HLA-DRB5: variants seen among roughly 807,000 people sequenced by gnomAD.
The protein encoded by HLA-DRB5 is major histocompatibility complex, class II, DR beta 5.
HLA-DRB5 carries 11 observed loss-of-function variants against 22.4 expected under a neutral mutation model. The observed-to-expected ratio is 0.49, with a 90% CI of 0.31 to 0.81. The LOEUF is 0.81. Among genes scored for constraint, HLA-DRB5 ranks in the 40% least tolerant of loss-of-function variants. HLA-DRB5 has a pLI of 0.05. For synonymous variants in HLA-DRB5, 57 were observed against 106.0 expected, an observed-to-expected ratio of 0.54 and a Z score of 2.84; for missense variants, 106 against 274.4, an observed-to-expected ratio of 0.39 and a Z score of 4.34.
In HLA-DRB5 at chr6:32,521,895, C is replaced by A. The variant is rs115833135; in HGVS notation, c.370+10G>T. The A allele has an allele frequency of 0.15, 165,182 of 1,067,982 alleles. 34,225 individuals are homozygous for A. The highest frequency in any genetic ancestry group is 0.28 in the South Asian group (18,270 of 65,502). 66.2% of individuals were successfully genotyped at this position (1,067,982 alleles called of 1,614,324 possible). On this transcript the variant is annotated intron_variant, in intron 2 of 5. Coordinates refer to ENST00000374975, the MANE Select transcript of HLA-DRB5 (RefSeq NM_002125.4). ...ACAAGGACCCAGGCCCCGCCCCCCA[C>A]CATGCTCACCTCGCCGCTGCACTGT...
intron 1 of HLA-DRB5, among the ~76,000 whole-genome samples, chr6:32,528,481 G>A (rs148994246): frequency 0.058 from 1,612 of 27,952 alleles, 21 homozygotes; most frequent in Non-Finnish European, 0.066. Flanking sequence ...AAGGATCCTG[G>A]AAAGCAAGAA....
At chr6:32,522,744 T>C (rs1281716870) in intron 1 of HLA-DRB5, among the ~76,000 whole-genome samples, 2 of 60,168 alleles carry the variant, frequency 3.3e-5, no homozygotes, top group Non-Finnish European at 6.7e-5. Flanking sequence ...ATGAGAAATG[T>C]CTGAAGTGTG....
intron 3 of HLA-DRB5, among the ~76,000 whole-genome samples, 194 bp downstream of exon 3, chr6:32,519,176 A>C (rs150596400): frequency 0.51 from 36,772 of 71,542 alleles, 12,471 homozygotes; most frequent in Middle Eastern, 0.6. Context: ...TCCTGCCAGG[A>C]ATGACTGCTT....
At chr6:32,525,823 A>ATTCTCATGACCTAGACTAATAACTG (rs1769542613) in intron 1 of HLA-DRB5, among the ~76,000 whole-genome samples, 2 of 92,194 alleles carry the variant, frequency 2.2e-5, no homozygotes, top group Admixed American at 1.1e-4. Flanking sequence ...GATGGAGACC[A>ATTCTCATGACCTAGACTAATAACTG]GATTCATTTT....
At position 32,521,938 on chromosome 6, in the gene HLA-DRB5, C is replaced by G; in HGVS notation, c.337G>C (p.Gly113Arg). Residue 113 changes from glycine to arginine, a missense_variant, in exon 2 of 6, where the codon GGG (glycine) becomes CGG (arginine). Physicochemically the swap from Gly to Arg is moderately radical, Grantham distance 125. Coordinates refer to ENST00000374975, the MANE Select transcript of HLA-DRB5 (RefSeq NM_002125.4). Reference sequence around the variant, plus strand: ...TGCACTGTGAAGCTCTCACCAACCCCGTAGTTGTGTCTGCAGTAGGTGTCC... The same window carrying G: ...TGCACTGTGAAGCTCTCACCAACCCGGTAGTTGTGTCTGCAGTAGGTGTCC... Reference protein sequence around the residue: ...AVDTYCRHNYGVGESFTVQRR... With the variant: ...AVDTYCRHNYRVGESFTVQRR... 1 of 1,552,288 alleles carries G rather than the reference C, an allele frequency of 6.4e-7. No homozygotes were observed. Among genetic ancestry groups the G allele is most frequent in the Non-Finnish European group, 8.8e-7 (1 of 1,135,590 alleles).
At chr6:32,518,247 C>G (rs79246516) in intron 4 of HLA-DRB5, among the ~76,000 whole-genome samples, 170 bp from the exon 5 acceptor site, 5,629 of 47,720 alleles carry the variant, frequency 0.12, 3 homozygotes, top group Non-Finnish European at 0.14. Flanking sequence ...TGAAGCATGA[C>G]ATGTCTGTCA....
intron 1 of HLA-DRB5, among the ~76,000 whole-genome samples, chr6:32,525,508 C>T (rs1467814505): frequency 6.0e-5 from 7 of 117,032 alleles, no homozygotes; most frequent in African/African-American, 2.2e-4. Context: ...AAAGAATTGT[C>T]ATTCTGAAAA....
At chr6:32,522,644 C>A (rs80177780) in intron 1 of HLA-DRB5, among the ~76,000 whole-genome samples, 6,497 of 30,912 alleles carry the variant, frequency 0.21, 1,861 homozygotes, top group Middle Eastern at 0.45. Context: ...AATCCAAACA[C>A]GGGAAAACAG....
chr6:32,519,802 T>G, intron 2 of HLA-DRB5, 151 bp from the exon 3 acceptor site: 1 of 410,858 alleles, frequency 2.4e-6, no homozygotes, highest in Non-Finnish European at 4.2e-6. Flanking sequence ...GTCATCAGCC[T>G]GGAATTTAGT....
chr6:32,522,913 GAA>G (rs148656763), intron 1 of HLA-DRB5, among the ~76,000 whole-genome samples: 1,636 of 41,952 alleles, frequency 0.039, 123 homozygotes, highest in East Asian at 0.051. Context: ...CAAAACGGGG[GAA>G]GCACATTTCA....
chr6:32,530,065 TA>T, intron 1 of HLA-DRB5, 59 bp downstream of exon 1: 1 of 737,856 alleles, frequency 1.4e-6, no homozygotes, highest in Non-Finnish European at 1.9e-6. Context: ...GGCACAATGT[TA>T]ACAAAACTCC....
chr6:32,522,163 G>T lies in HLA-DRB5; in HGVS notation c.112C>A (p.Gln38Lys), dbSNP rs1071747. 0.045 allele frequency: 35,565 copies of T among 782,594 alleles called. 9,799 individuals carry two copies. The highest frequency in any genetic ancestry group is 0.24 in the East Asian group (7,310 of 30,218). The allele number at this position is 782,594 out of a possible 1,614,324, so 48.5% of individuals were successfully genotyped here. A position where few individuals can be genotyped will look rare whatever the true frequency, so the allele number is the denominator to read the frequency against. Residue 38 changes from glutamine (Q) to lysine (K), a missense_variant, in exon 2 of 6, where the codon CAG (glutamine) becomes AAG (lysine). By Grantham distance (53) the Gln-to-Lys change is moderately conservative. Coordinates refer to ENST00000374975, the MANE Select transcript of HLA-DRB5 (RefSeq NM_002125.4). The part of the protein sequence containing the change: ...LAGDTRPRFL[Q>K]QDKYECHFFN... ...AAATGACACTCATACTTATCCTGCT[G>T]CAAGAAACGTGCTGTGGGGACACGA...
At chr6:32,529,951 G>A (rs1236844262) in intron 1 of HLA-DRB5, among the ~76,000 whole-genome samples, 174 bp downstream of exon 1, 6,110 of 112,102 alleles carry the variant, frequency 0.055, no homozygotes, top group East Asian at 0.087. Context: ...CATGGAGAGG[G>A]CAAGTAGTCA....
At chr6:32,524,764 G>C (rs915218607) in intron 1 of HLA-DRB5, among the ~76,000 whole-genome samples, 1 of 80,310 alleles carries the variant, frequency 1.2e-5, no homozygotes. Context: ...GGCTTGCATG[G>C]CTAGCACTGT....
intron 1 of HLA-DRB5, among the ~76,000 whole-genome samples, chr6:32,529,362 A>G (rs796426179): frequency 0.051 from 1,287 of 25,430 alleles, 39 homozygotes; most frequent in Middle Eastern, 0.14. Flanking sequence ...TGTAGGAGAT[A>G]TAGGAGCAAA....
At chr6:32,519,101 T>A (rs201843924) in intron 3 of HLA-DRB5, among the ~76,000 whole-genome samples, 23,567 of 88,430 alleles carry the variant, frequency 0.27, 2,694 homozygotes, top group Admixed American at 0.33. Flanking sequence ...TCTGGAGCCC[T>A]GGGAGAGGGG....
chr6:32,530,110 A>G lies in HLA-DRB5; in HGVS notation c.100+15T>C, dbSNP rs200358546. On this transcript the variant is annotated intron_variant, in intron 1 of 5. Transcript: ENST00000374975. The stretch of plus-strand genomic sequence containing the variant: ...CCCACCCCATAGTAGCTCAGCACCC[A>G]CAATGTGCACTTACGTCGGGTGTCC... The G allele has an allele frequency of 0.029, 39,308 of 1,338,376 alleles. 393 individuals carry two copies. Among genetic ancestry groups the G allele is most frequent in the African/African-American group, 0.062 (3,488 of 56,620 alleles). 82.9% of individuals were successfully genotyped at this position (1,338,376 alleles called of 1,614,324 possible).
At chr6:32,520,934 G>A (rs573304417) in intron 2 of HLA-DRB5, among the ~76,000 whole-genome samples, 11,881 of 46,310 alleles carry the variant, frequency 0.26, 3,556 homozygotes, top group Admixed American at 0.34. Context: ...CTAAGCCCTG[G>A]AGATAACAGA....
intron 1 of HLA-DRB5, among the ~76,000 whole-genome samples, chr6:32,523,044 A>G (rs796214304): frequency 0.095 from 9,737 of 102,562 alleles, 7 homozygotes; most frequent in East Asian, 0.12. Context: ...GACTGGAGAC[A>G]TCACAAGAAG....
Sources: allele counts gnomAD v4.1 joint callset (sites outside exome capture counted in the v4.1 genomes callset), GRCh38; gene constraint gnomAD v4.1.1; transcripts MANE v1.5; gene names NCBI Gene and HGNC (gene_info 2026-07-23, HGNC 2026-07-21).